The following ATG9B variants were observed in gnomAD, a reference collection of about 807,000 sequenced individuals.
The protein encoded by ATG9B is autophagy related 9B.
Under a neutral mutation model 92.9 loss-of-function variants are expected in ATG9B, and 92 were observed. The ratio of observed to expected loss-of-function variants is 0.99; its 90% CI spans 0.84 to 1.18. The LOEUF is 1.18. Ranked by LOEUF, ATG9B falls within the 50% of genes most tolerant of loss-of-function variation. The pLI is 0.00. For missense variants in ATG9B, 1,344 were observed against 1,235.0 expected (o/e 1.09, Z -1.32); for synonymous variants, 599 against 551.4 (o/e 1.09, Z -1.21).
In ATG9B at chr7:151,017,267, G is replaced by A. The variant is rs771518497; in HGVS notation, c.2058C>T (p.Leu686=). Residue 686 remains leucine (L), a synonymous_variant, in exon 9 of 14, where the codon CTC becomes CTT. Transcript: ENST00000639579. Reference sequence around the variant, plus strand: ...GCGAGGCCTCAGTCTGTCCCGCCGAGAGCCACTGTGAGCAAGGACAGTCTT... The same window carrying A: ...GCGAGGCCTCAGTCTGTCCCGCCGAAAGCCACTGTGAGCAAGGACAGTCTT... ...DVKRHGHPQW[L]SAGQTEASLS... 2 of 1,587,044 alleles carry A rather than the reference G, an allele frequency of 1.3e-6. No individual in the cohort carries two copies. Among genetic ancestry groups the A allele is most frequent in the Non-Finnish European group, 1.7e-6 (2 of 1,163,822 alleles).
chr7:151,012,235 T>TA (rs1244856875), downstream of ATG9B: 5 of 934,576 alleles, frequency 5.4e-6, no homozygotes, highest in African/African-American at 6.7e-5. Context: ...GTTTTTTTTT[T>TA]AATTTTTTTT....
intron 9 of ATG9B, 48 bp downstream of exon 9, chr7:151,016,988 G>A (rs1168300692): frequency 7.8e-6 from 12 of 1,541,908 alleles, no homozygotes; most frequent in African/African-American, 1.4e-5. Flanking sequence ...GGTTTGGAGA[G>A]GAGTTGTGGG....
rs1457253689 is a variant in ATG9B, at chr7:151,017,272, A to G, written c.2053T>C (p.Trp685Arg). The G allele has an allele frequency of 6.3e-7, 1 of 1,585,836 alleles. No individual in the cohort carries two copies. Among genetic ancestry groups the G allele is most frequent in the Non-Finnish European group, 8.6e-7 (1 of 1,163,094 alleles). ...MDVKRHGHPQ[W>R]LSAGQTEASL... ...GCCTCAGTCTGTCCCGCCGAGAGCC[A>G]CTGTGAGCAAGGACAGTCTTTCAGG... is the stretch of plus-strand genomic sequence containing the variant. Residue 685 changes from tryptophan (W) to arginine (R), a missense_variant and splice_region_variant, in exon 9 of 14, where the codon TGG becomes CGG. Trp to Arg is a moderately radical substitution (Grantham distance 101). Transcript: ENST00000639579.
chr7:151,017,936 C>A lies in ATG9B; in HGVS notation c.1987G>T (p.Val663Leu), dbSNP rs1313900076. Residue 663 changes from valine (V) to leucine (L), a missense_variant, in exon 8 of 14, where the codon GTG becomes TTG. Transcript: ENST00000639579. ...IDFFHHFTVD[V>L]AGVGDICSFA... Reference sequence around the variant, plus strand: ...GAACAGATGTCCCCAACCCCAGCCACATCCACAGTGAAGTGATGAAAAAAG... The same window carrying A: ...GAACAGATGTCCCCAACCCCAGCCAAATCCACAGTGAAGTGATGAAAAAAG... The A allele has an allele frequency of 6.2e-7, 1 of 1,610,096 alleles. No homozygotes were observed. The highest frequency in any genetic ancestry group is 8.5e-7 in the Non-Finnish European group (1 of 1,178,208).
At chr7:151,019,466 C>T (rs552682033) in intron 5 of ATG9B, 92 bp from the exon 6 acceptor site, 15 of 1,444,856 alleles carry the variant, frequency 1.0e-5, no homozygotes, top group Middle Eastern at 2.4e-4. Context: ...GCCTGAAAAC[C>T]CGCAAACTGA....
At position 151,018,588 on chromosome 7, in the gene ATG9B, C is replaced by T; in HGVS notation, c.1718+32G>A. The T allele has an allele frequency of 6.3e-7, 1 of 1,583,334 alleles. No individual in the cohort carries two copies. The highest frequency in any genetic ancestry group is 1.1e-5 in the South Asian group (1 of 89,056). On this transcript the variant is annotated intron_variant, in intron 6 of 13. Coordinates refer to ENST00000639579, the MANE Select transcript of ATG9B (RefSeq NM_001317056.2). This position sits in a 1 kb window ranked among gnomAD's most constrained non-coding sequence, Gnocchi z 4.7. Reference sequence around the variant, plus strand: ...TGGCCCCAGATCAGAGAAACCAACACACACCACCACCCCGGGCATCTGCCG... The same window carrying T: ...TGGCCCCAGATCAGAGAAACCAACATACACCACCACCCCGGGCATCTGCCG...
At chr7:151,023,368 C>T in intron 3 of ATG9B, 77 bp downstream of exon 3, 2 of 1,601,300 alleles carry the variant, frequency 1.2e-6, no homozygotes, top group Admixed American at 1.7e-5. Context: ...GCAGCTGGCA[C>T]AATTAAGGAA....
chr7:151,023,502 C>G lies in ATG9B; in HGVS notation c.602G>C (p.Ser201Thr), dbSNP rs1046016769. The change falls in exon 3 of 14, where the codon AGC (serine) becomes ACC (threonine). Residue 201 changes from serine (S) to threonine (T), a missense_variant. Ser to Thr is a moderately conservative substitution (Grantham distance 58). Coordinates refer to ENST00000639579, the MANE Select transcript of ATG9B (RefSeq NM_001317056.2). ...GGCAAAGCCATTCCGCTGGTGGTAG[C>G]TGTAGATGTGGCTGCGTGTCAAGGA... The part of the protein sequence containing the change: ...NLDSFFTKIY[S>T]YHQRNGFACI... 23 of 1,612,652 alleles carry G rather than the reference C, an allele frequency of 1.4e-5. No individual in the cohort carries two copies. In the Admixed American group the frequency reaches 3.2e-4, roughly 22 times the overall value.
Position 151,019,125 on chromosome 7 carries a change from A to T in ATG9B, c.1213T>A (p.Phe405Ile). The change falls in exon 6 of 14, where the codon TTC becomes ATC. Residue 405 changes from phenylalanine to isoleucine, a missense_variant. Phe to Ile is a conservative substitution (Grantham distance 21). Transcript: ENST00000639579. Reference sequence around the variant, plus strand: ...CGGAAGAGCGAGAAGGGACCGCGGAAGAGCAGCAGGTCGACATTGAGCGCC... The same window carrying T: ...CGGAAGAGCGAGAAGGGACCGCGGATGAGCAGCAGGTCGACATTGAGCGCC... ...GLALNVDLLLFRGPFSLFRGG... is the reference protein window; with the variant it reads ...GLALNVDLLLIRGPFSLFRGG... 6.5e-7 allele frequency: 1 copy of T among 1,535,810 alleles called. No individual in the cohort carries two copies. Among genetic ancestry groups the T allele is most frequent in the African/African-American group, 1.4e-5 (1 of 73,120 alleles).
Position 151,023,222 on chromosome 7 carries a change from G to A in ATG9B, c.660-16C>T, listed in dbSNP as rs771074134. The stretch of plus-strand genomic sequence containing the variant: ...AATAAATTGTCTGCCGGGAGGAAGG[G>A]GGGGTGCCGGGATGCTGCAGTGATC... On this transcript the variant is annotated splice_polypyrimidine_tract_variant and intron_variant, in intron 3 of 13. Transcript: ENST00000639579. The A allele has an allele frequency of 2.1e-5, 34 of 1,613,964 alleles. No homozygotes were observed. The highest frequency in any genetic ancestry group is 2.7e-5 in the Non-Finnish European group (32 of 1,180,008).
intron 3 of ATG9B, 63 bp from the exon 4 acceptor site, chr7:151,023,269 T>C: frequency 6.2e-7 from 1 of 1,610,424 alleles, no homozygotes; most frequent in Non-Finnish European, 8.5e-7. Flanking sequence ...GGTGGGCTCC[T>C]GCCCCAGCCC....
chr7:151,018,150 C>T lies in ATG9B; in HGVS notation c.1873-100G>A. 6.8e-7 allele frequency: 1 copy of T among 1,467,068 alleles called. No individual in the cohort carries two copies. Among genetic ancestry groups the T allele is most frequent in the Non-Finnish European group, 9.0e-7 (1 of 1,108,380 alleles). 90.9% of individuals were successfully genotyped at this position (1,467,068 alleles called of 1,614,324 possible). A position where few individuals can be genotyped will look rare whatever the true frequency, so the allele number is the denominator to read the frequency against. ...AGCGACCCTCGCCAGGGCAAGAAGC[C>T]TCCCCACCCAGTCACTCCCTAGACT... On this transcript the variant is annotated intron_variant, in intron 7 of 13. Coordinates refer to ENST00000639579, the MANE Select transcript of ATG9B (RefSeq NM_001317056.2). This position sits in a 1 kb window ranked among gnomAD's most constrained non-coding sequence, Gnocchi z 4.7.
rs200195617 is a variant in ATG9B at position 151,021,249 on chromosome 7, C to T, written c.902G>A (p.Cys301Tyr). 306 of 1,613,428 alleles carry T rather than the reference C, an allele frequency of 1.9e-4. No homozygotes were observed. Among genetic ancestry groups the T allele is most frequent in the Middle Eastern group, 3.3e-4 (2 of 6,078 alleles). ...FWLVQLLRSV[C>Y]NLFSYWDIQV... is the part of the protein sequence containing the mutation. ...GATGTCCCAGTAGCTGAAGAGGTTG[C>T]AGACTGAGCGAAGCAGTTGGACCAG... Residue 301 changes from cysteine to tyrosine, a missense_variant, in exon 5 of 14, where the codon TGC (cysteine) becomes TAC (tyrosine). Physicochemically the swap from Cys to Tyr is radical, Grantham distance 194 (BLOSUM62 -2). Coordinates refer to ENST00000639579, the MANE Select transcript of ATG9B (RefSeq NM_001317056.2).
downstream of ATG9B, chr7:151,013,528 C>T (rs1795356074): frequency 1.7e-6 from 2 of 1,184,418 alleles, no homozygotes; most frequent in African/African-American, 3.1e-5. Flanking sequence ...ACCCTTGTGC[C>T]CCGGCCCCTC....
chr7:151,023,185 G>A lies in ATG9B; in HGVS notation c.681C>T (p.Thr227=). ...CGCATCGAAGGAGGAAGGTTGTGAAGGTGACAATGAAAATAAATTGTCTGC... is the reference window on the plus strand; with the variant it reads ...CGCATCGAAGGAGGAAGGTTGTGAAAGTGACAATGAAAATAAATTGTCTGC... ...FQLGQFIFIV[T]FTTFLLRCVD... The change falls in exon 4 of 14, where the codon ACC becomes ACT. Residue 227 remains threonine (T), a synonymous_variant. Coordinates refer to ENST00000639579, the MANE Select transcript of ATG9B (RefSeq NM_001317056.2). 3 of 1,614,210 alleles carry A rather than the reference G, an allele frequency of 1.9e-6. No homozygotes were observed. Among genetic ancestry groups the A allele is most frequent in the Non-Finnish European group, 2.5e-6 (3 of 1,180,046 alleles).
rs1035957224 is a variant in ATG9B, at chr7:151,018,106, T to C, written c.1873-56A>G. On this transcript the variant is annotated intron_variant, in intron 7 of 13. Coordinates refer to ENST00000639579, the MANE Select transcript of ATG9B (RefSeq NM_001317056.2). This position sits in a 1 kb window ranked among gnomAD's most constrained non-coding sequence, Gnocchi z 4.7. ...GTCGCTGAGGGGCCCACGCGCGTTA[T>C]CAGGACCAAGCAGTCCCCAGCGACC... The C allele has an allele frequency of 2.6e-6, 4 of 1,521,012 alleles. No homozygotes were observed. The highest frequency in any genetic ancestry group is 3.5e-6 in the Non-Finnish European group (4 of 1,133,196). 94.2% of individuals were successfully genotyped at this position (1,521,012 alleles called of 1,614,324 possible).
chr7:151,015,867 G>C lies in ATG9B; in HGVS notation c.*14+15C>G, dbSNP rs1255828424. 1 of 1,541,974 alleles carries C rather than the reference G, an allele frequency of 6.5e-7. No individual in the cohort carries two copies. The highest frequency in any genetic ancestry group is 1.2e-5 in the South Asian group (1 of 82,832). On this transcript the variant is annotated intron_variant, in intron 13 of 13. Transcript: ENST00000639579. ...GCCGTCCTTTCTCCCTCCCCTCACA[G>C]GAGGCAATACTGACCCTGAGGAGTC...
At chr7:151,012,358 T>G, downstream of ATG9B, 1 of 1,564,008 alleles carries the variant, frequency 6.4e-7, no homozygotes, top group African/African-American at 1.3e-5. Flanking sequence ...CAGGGCTCCC[T>G]CCTTCCGGCT....
At position 151,018,577 on chromosome 7, in the gene ATG9B, A is replaced by G. The variant is rs751565632; in HGVS notation, c.1718+43T>C. 1.9e-6 allele frequency: 3 copies of G among 1,571,820 alleles called. No homozygotes were observed. Among genetic ancestry groups the G allele is most frequent in the Non-Finnish European group, 2.6e-6 (3 of 1,165,004 alleles). On this transcript the variant is annotated intron_variant, in intron 6 of 13. Transcript: ENST00000639579. The surrounding 1 kb of genome is among the most constrained non-coding windows in gnomAD (Gnocchi z 4.7). ...GGAACCTCACATGGCCCCAGATCAG[A>G]GAAACCAACACACACCACCACCCCG... is the stretch of plus-strand genomic sequence containing the variant.
Sources: allele counts gnomAD v4.1 joint callset, GRCh38; gene constraint gnomAD v4.1.1; non-coding constraint Gnocchi (gnomAD v3.1); transcripts MANE v1.5; gene names NCBI Gene and HGNC (gene_info 2026-07-23, HGNC 2026-07-21).